Variants in LPGAT1 observed in about 807,000 individuals in gnomAD.
The protein encoded by LPGAT1 is acyl-CoA:lysophosphatidylglycerol acyltransferase 1.
In LPGAT1, 11 loss-of-function variants were observed where a neutral mutation model predicts 47.5. The ratio of observed to expected loss-of-function variants is 0.23; its 90% confidence interval spans 0.15 to 0.38. LPGAT1 has a LOEUF of 0.38. Ranked by LOEUF, LPGAT1 falls within the 10% of genes least tolerant of loss-of-function variation. The probability of loss-of-function intolerance (pLI) is 1.00; values close to 1 mark genes in which losing one functional copy is unlikely to be tolerated. For synonymous variants in LPGAT1, 138 were observed against 144.2 expected, an observed-to-expected ratio of 0.96 and a Z score of 0.31; for missense variants, 293 against 439.0, an observed-to-expected ratio of 0.67 and a Z score of 2.97.
chr1:211,795,171 T>C (rs1659298203), intron 2 of LPGAT1, among the ~76,000 whole-genome samples: 1 of 152,148 alleles, frequency 6.6e-6, no homozygotes. Flanking sequence ...AAAATTAAGA[T>C]GGTGAATTTT....
chr1:211,816,198 G>A (rs1019335963), intron 2 of LPGAT1, among the ~76,000 whole-genome samples: 6 of 152,074 alleles, frequency 3.9e-5, no homozygotes, highest in South Asian at 2.1e-4. Context: ...GGCACCACTA[G>A]TCTCAAGCTC....
At chr1:211,755,458 A>G (rs1271249147) in intron 6 of LPGAT1, among the ~76,000 whole-genome samples, 1 of 152,068 alleles carries the variant, frequency 6.6e-6, no homozygotes, top group Non-Finnish European at 1.5e-5. Context: ...TATGAATTAC[A>G]TTATAATGAT....
At chr1:211,798,878 T>G (rs1302208161) in intron 2 of LPGAT1, among the ~76,000 whole-genome samples, 1 of 152,052 alleles carries the variant, frequency 6.6e-6, no homozygotes, top group Non-Finnish European at 1.5e-5. Context: ...AAGTACTGAT[T>G]AATGGAGTGG....
chr1:211,786,449 T>C lies in LPGAT1; in HGVS notation c.453+1183A>G, dbSNP rs142658662. Among the ~76,000 whole-genome samples, 302 of 152,358 alleles carry C rather than the reference T, an allele frequency of 2.0e-3. 1 individual carries two copies. Among genetic ancestry groups the C allele is most frequent in the African/African-American group, 7.0e-3 (293 of 41,584 alleles). ...ATGTAAACACCAAATAACTGTGGTA[T>C]TGTCATGCATAAAAGCTCGTACATA... On this transcript the variant is annotated intron_variant, in intron 4 of 7. Transcript: ENST00000366997.
chr1:211,816,586 A>G (rs1660185918), intron 2 of LPGAT1, among the ~76,000 whole-genome samples: 1 of 152,182 alleles, frequency 6.6e-6, no homozygotes, highest in South Asian at 2.1e-4. Flanking sequence ...TTCTAAGACT[A>G]CCTCATAAGT....
At chr1:211,797,022 A>G (rs1008669503) in intron 2 of LPGAT1, among the ~76,000 whole-genome samples, 1 of 152,070 alleles carries the variant, frequency 6.6e-6, no homozygotes, top group African/African-American at 2.4e-5. Context: ...TTGGGAGGCC[A>G]AGGTGGGTGG....
At chr1:211,819,376 T>C (rs1660286956) in intron 2 of LPGAT1, among the ~76,000 whole-genome samples, 1 of 152,008 alleles carries the variant, frequency 6.6e-6, no homozygotes, top group Non-Finnish European at 1.5e-5. Context: ...ATGCCTGTCG[T>C]CTTAGCTACT....
chr1:211,817,047 A>C (rs1011219902), intron 2 of LPGAT1, among the ~76,000 whole-genome samples: 2 of 152,250 alleles, frequency 1.3e-5, no homozygotes, highest in African/African-American at 4.8e-5. Flanking sequence ...TCCCAACCGT[A>C]TAAAACAGCC....
At chr1:211,811,586 G>A (rs376617116) in intron 2 of LPGAT1, among the ~76,000 whole-genome samples, 73 of 152,232 alleles carry the variant, frequency 4.8e-4, no homozygotes, top group African/African-American at 1.3e-3. Context: ...ATGAAACTCC[G>A]TCTCTACAAA....
intron 6 of LPGAT1, among the ~76,000 whole-genome samples, chr1:211,759,875 GTAAGTTTATAGGA>G (rs1201868578): frequency 6.6e-6 from 1 of 152,182 alleles, no homozygotes; most frequent in East Asian, 1.9e-4. Flanking sequence ...TCATTCATAT[GTAAGTTTATAGGA>G]TAAATTTCCA....
intron 2 of LPGAT1, among the ~76,000 whole-genome samples, chr1:211,806,591 C>A (rs1659772121): frequency 6.6e-6 from 1 of 152,058 alleles, no homozygotes; most frequent in Non-Finnish European, 1.5e-5. Context: ...ACTACCTGGG[C>A]TAGAAACCCA....
intron 2 of LPGAT1, among the ~76,000 whole-genome samples, chr1:211,819,143 A>G (rs996041414): frequency 3.3e-5 from 5 of 152,256 alleles, no homozygotes; most frequent in Non-Finnish European, 7.3e-5. Flanking sequence ...GATAGCAACA[A>G]GGAGAAAAAA....
chr1:211,812,114 A>C (rs557326531), intron 2 of LPGAT1, among the ~76,000 whole-genome samples: 1 of 152,332 alleles, frequency 6.6e-6, no homozygotes, highest in East Asian at 1.9e-4. Context: ...CTGGCACAGC[A>C]GATACTCAAT....
chr1:211,767,731 T>C (rs1355767345), intron 6 of LPGAT1, among the ~76,000 whole-genome samples: 2 of 152,004 alleles, frequency 1.3e-5, no homozygotes, highest in African/African-American at 4.8e-5. Flanking sequence ...GAAGTAGAGA[T>C]GAAATTATCA....
At chr1:211,795,420 T>A (rs1051842037) in intron 2 of LPGAT1, among the ~76,000 whole-genome samples, 1 of 152,156 alleles carries the variant, frequency 6.6e-6, no homozygotes, top group Non-Finnish European at 1.5e-5. Flanking sequence ...CAGGCTGGAG[T>A]GCAATGGCGT....
intron 2 of LPGAT1, among the ~76,000 whole-genome samples, chr1:211,825,544 T>G (rs746831333): frequency 1.3e-5 from 2 of 152,204 alleles, no homozygotes; most frequent in Non-Finnish European, 2.9e-5. Context: ...AAATAAAGCA[T>G]GCAGAAGTGG....
intron 2 of LPGAT1, among the ~76,000 whole-genome samples, chr1:211,819,567 A>G (rs779589549): frequency 1.2e-4 from 19 of 152,186 alleles, no homozygotes; most frequent in Non-Finnish European, 1.9e-4. Context: ...CAAGGCTGAG[A>G]TCAAACAAGG....
At chr1:211,794,319 G>C (rs1452744333) in intron 2 of LPGAT1, among the ~76,000 whole-genome samples, 1 of 152,032 alleles carries the variant, frequency 6.6e-6, no homozygotes, top group Non-Finnish European at 1.5e-5. Flanking sequence ...ACTTTTTTGA[G>C]ACAGGATCTT....
intron 2 of LPGAT1, among the ~76,000 whole-genome samples, chr1:211,827,067 C>A (rs563439984): frequency 4.1e-4 from 62 of 152,304 alleles, no homozygotes; most frequent in Non-Finnish European, 6.2e-4. Flanking sequence ...TGTTTGACTT[C>A]TTGACTATTT....
Sources: allele counts gnomAD v4.1 joint callset (sites outside exome capture counted in the v4.1 genomes callset), GRCh38; gene constraint gnomAD v4.1.1; transcripts MANE v1.5; gene names NCBI Gene and HGNC (gene_info 2026-07-23, HGNC 2026-07-21).